SLC9C1: variants seen among roughly 807,000 people sequenced by gnomAD.
SLC9C1 encodes the protein sodium/hydrogen exchanger 10.
A neutral mutation model predicts 140.9 loss-of-function variants in SLC9C1; 97 were observed. That is an observed-to-expected ratio of 0.69 (90% CI 0.58 to 0.82). The LOEUF is 0.82. Among genes scored for constraint, SLC9C1 ranks in the 40% least tolerant of loss-of-function variants. The pLI is 0.00. For missense variants in SLC9C1, 1,340 were observed against 1,389.3 expected, an observed-to-expected ratio of 0.96 and a Z score of 0.56; for synonymous variants, 440 against 442.6, an observed-to-expected ratio of 0.99 and a Z score of 0.07.
chr3:112,187,275 A>T (rs1468801796), intron 20 of SLC9C1, among the ~76,000 whole-genome samples: 5 of 152,158 alleles, frequency 3.3e-5, no homozygotes, highest in Admixed American at 1.3e-4. Flanking sequence ...GATTTATTTT[A>T]ATCTTTCATT....
chr3:112,162,518 A>G (rs894968997), intron 26 of SLC9C1, among the ~76,000 whole-genome samples: 1 of 152,174 alleles, frequency 6.6e-6, no homozygotes, highest in South Asian at 2.1e-4. Flanking sequence ...TTCTGCATCT[A>G]TTGAGATAAT....
intron 10 of SLC9C1, among the ~76,000 whole-genome samples, chr3:112,244,379 G>T (rs568517822): frequency 1.2e-4 from 18 of 152,286 alleles, no homozygotes; most frequent in African/African-American, 4.3e-4. Flanking sequence ...TTCCACTGTT[G>T]CACTTCCTGG....
At chr3:112,208,928 A>G (rs1427871068) in intron 15 of SLC9C1, among the ~76,000 whole-genome samples, 2 of 152,150 alleles carry the variant, frequency 1.3e-5, no homozygotes, top group African/African-American at 2.4e-5. Flanking sequence ...ATGGTGGTGG[A>G]ATATATGGAT....
chr3:112,182,053 A>C, intron 21 of SLC9C1, 80 bp downstream of exon 21: 1 of 1,046,944 alleles, frequency 9.6e-7, no homozygotes. Flanking sequence ...TAAACTAGAG[A>C]GTATCATGGT....
chr3:112,277,955 C>T lies in SLC9C1; in HGVS notation c.319-95G>A, dbSNP rs147597949. ...GGATTATTGGAGATACAGAATCAAC[C>T]AACACCAACAGTACCCACCAGCAGA... On this transcript the variant is annotated intron_variant, in intron 4 of 28. Coordinates refer to ENST00000305815, the MANE Select transcript of SLC9C1 (RefSeq NM_183061.3). 1.7e-4 allele frequency: 177 copies of T among 1,049,042 alleles called. No homozygotes were observed. The East Asian group carries it at 3.9e-3, about 23-fold the overall frequency. 65.0% of individuals were successfully genotyped at this position (1,049,042 alleles called of 1,614,324 possible). A position where few individuals can be genotyped will look rare whatever the true frequency, so the allele number is the denominator to read the frequency against.
intron 28 of SLC9C1, among the ~76,000 whole-genome samples, chr3:112,147,336 G>A: frequency 6.6e-6 from 1 of 152,196 alleles, no homozygotes; most frequent in Non-Finnish European, 1.5e-5. Flanking sequence ...GAAGTTGTTA[G>A]CTGTGTATTG....
At chr3:112,281,739 A>G (rs938644902) in intron 2 of SLC9C1, among the ~76,000 whole-genome samples, 1 of 152,236 alleles carries the variant, frequency 6.6e-6, no homozygotes, top group Non-Finnish European at 1.5e-5. Context: ...AGAATAAGAC[A>G]TCGGTTTGAA....
intron 20 of SLC9C1, among the ~76,000 whole-genome samples, chr3:112,193,139 A>G (rs1448189965): frequency 1.3e-5 from 2 of 152,184 alleles, no homozygotes; most frequent in East Asian, 1.9e-4. Context: ...GGCCTAAGCT[A>G]TGAGAGCGTG....
intron 26 of SLC9C1, among the ~76,000 whole-genome samples, chr3:112,161,667 A>C (rs2075303574): frequency 6.6e-6 from 1 of 152,044 alleles, no homozygotes; most frequent in Admixed American, 6.6e-5. Flanking sequence ...TGTTTTGGTT[A>C]CTGCAGCCTT....
intron 26 of SLC9C1, among the ~76,000 whole-genome samples, chr3:112,161,561 G>C (rs2075300224): frequency 6.6e-6 from 1 of 152,160 alleles, no homozygotes; most frequent in Admixed American, 6.5e-5. Flanking sequence ...TCTCAGGTTT[G>C]TCAAAGATCA....
In SLC9C1 at chr3:112,244,030, T is replaced by C. The variant is rs2079208789; in HGVS notation, c.1244A>G (p.Asn415Ser). 6.2e-7 allele frequency: 1 copy of C among 1,607,546 alleles called. No individual in the cohort carries two copies. Among genetic ancestry groups the C allele is most frequent in the Non-Finnish European group, 8.5e-7 (1 of 1,176,390 alleles). ...VLVCLITLVVNRFILPVAVTI... is the reference protein window; with the variant it reads ...VLVCLITLVVSRFILPVAVTI... The stretch of plus-strand genomic sequence containing the variant: ...AACTGCCACTGGCAAAATAAATCTA[T>C]TGACAACAAGGGTTATTAGGCATAC... Residue 415 changes from asparagine to serine, a missense_variant, in exon 11 of 29, where the codon AAT becomes AGT. Transcript: ENST00000305815.
At chr3:112,153,395 T>A (rs2075039035) in intron 27 of SLC9C1, among the ~76,000 whole-genome samples, 1 of 151,982 alleles carries the variant, frequency 6.6e-6, no homozygotes, top group Non-Finnish European at 1.5e-5. Flanking sequence ...CAGTGGGCTC[T>A]AGAAGTCATC....
intron 23 of SLC9C1, among the ~76,000 whole-genome samples, chr3:112,173,387 A>G (rs2077280801): frequency 6.6e-6 from 1 of 152,210 alleles, no homozygotes; most frequent in African/African-American, 2.4e-5. Context: ...GGTAATAAGC[A>G]TAATGGTACA....
chr3:112,277,388 T>C (rs2080243840), intron 5 of SLC9C1, among the ~76,000 whole-genome samples: 2 of 152,192 alleles, frequency 1.3e-5, no homozygotes. Context: ...ATATGCAATA[T>C]TGTAACGTCC....
intron 26 of SLC9C1, among the ~76,000 whole-genome samples, chr3:112,160,225 T>C (rs1277596037): frequency 2.6e-5 from 4 of 151,112 alleles, no homozygotes; most frequent in African/African-American, 7.3e-5. Context: ...TATTTATTTA[T>C]TTTGTATTTA....
At chr3:112,275,504 T>A (rs2108330202) in intron 5 of SLC9C1, among the ~76,000 whole-genome samples, 1 of 152,324 alleles carries the variant, frequency 6.6e-6, no homozygotes, top group Admixed American at 6.5e-5. Context: ...TCTCCATGAA[T>A]GGAGAGTTCC....
chr3:112,218,767 A>G (rs761313264), intron 14 of SLC9C1, among the ~76,000 whole-genome samples: 12 of 152,186 alleles, frequency 7.9e-5, no homozygotes, highest in Non-Finnish European at 1.6e-4. Flanking sequence ...TCAAAAAAAT[A>G]AGCATTTAAT....
intron 10 of SLC9C1, among the ~76,000 whole-genome samples, chr3:112,260,440 AT>A: frequency 6.6e-6 from 1 of 151,710 alleles, no homozygotes; most frequent in East Asian, 1.9e-4. Context: ...CTATTGAATA[AT>A]TTTTTCCCTT....
intron 12 of SLC9C1, among the ~76,000 whole-genome samples, chr3:112,233,939 A>C (rs1356811198): frequency 6.6e-6 from 1 of 152,198 alleles, no homozygotes; most frequent in African/African-American, 2.4e-5. Flanking sequence ...CACAGTAAAC[A>C]TACGTGTGCA....
Sources: allele counts gnomAD v4.1 joint callset (sites outside exome capture counted in the v4.1 genomes callset), GRCh38; gene constraint gnomAD v4.1.1; transcripts MANE v1.5; gene names NCBI Gene and HGNC (gene_info 2026-07-23, HGNC 2026-07-21).